TBCA: variants seen among roughly 807,000 people sequenced by gnomAD.
TBCA encodes tubulin-specific chaperone A.
TBCA carries 6 observed loss-of-function variants against 15.8 expected under a neutral mutation model. That is an observed-to-expected ratio of 0.38 (90% CI 0.21 to 0.75). The LOEUF (loss-of-function observed/expected upper bound fraction) is 0.75, where lower values mean the gene tolerates loss of function less well. TBCA is among the 30% of genes least tolerant of loss of function. TBCA has a pLI of 0.46. For synonymous variants in TBCA, 32 were observed against 42.3 expected (o/e 0.76, Z 0.94); for missense variants, 90 against 131.2 (o/e 0.69, Z 1.53).
intron 1 of TBCA, among the ~76,000 whole-genome samples, chr5:77,761,060 C>A (rs948623242): frequency 6.6e-6 from 1 of 151,956 alleles, no homozygotes; most frequent in East Asian, 1.9e-4. Context: ...AAGTGAGGAG[C>A]GCCTCTGCCT....
At chr5:77,769,791 T>C (rs2112518968) in intron 1 of TBCA, among the ~76,000 whole-genome samples, 1 of 152,224 alleles carries the variant, frequency 6.6e-6, no homozygotes, top group South Asian at 2.1e-4. Flanking sequence ...TAAAAGACTG[T>C]TAAAGTTAAA....
At chr5:77,699,177 A>G (rs1745948241) in intron 2 of TBCA, among the ~76,000 whole-genome samples, 1 of 152,156 alleles carries the variant, frequency 6.6e-6, no homozygotes, top group Non-Finnish European at 1.5e-5. Context: ...ATTAACTGGG[A>G]CATCAATTTG....
chr5:77,727,765 T>G (rs1367888429), intron 1 of TBCA, among the ~76,000 whole-genome samples: 2 of 152,094 alleles, frequency 1.3e-5, no homozygotes, highest in Non-Finnish European at 2.9e-5. Flanking sequence ...ACCTTAAATG[T>G]GAGAATGTAA....
chr5:77,766,512 A>ATTTTTTTT (rs1180091515), intron 1 of TBCA, among the ~76,000 whole-genome samples: 2 of 58,298 alleles, frequency 3.4e-5, no homozygotes, highest in African/African-American at 7.6e-5. Context: ...TTATTTATTT[A>ATTTTTTTT]TTTTTTTTTT....
intron 1 of TBCA, among the ~76,000 whole-genome samples, chr5:77,756,181 C>T (rs980285545): frequency 6.6e-6 from 1 of 152,138 alleles, no homozygotes; most frequent in Non-Finnish European, 1.5e-5. Flanking sequence ...GGGGAGGACT[C>T]AACAGTGTGT....
intron 1 of TBCA, 159 bp from the exon 2 acceptor site, chr5:77,708,506 T>C: frequency 1.9e-6 from 1 of 515,466 alleles, no homozygotes. Flanking sequence ...GTCATAAATA[T>C]AAGCATGATC....
intron 1 of TBCA, among the ~76,000 whole-genome samples, chr5:77,751,229 T>G (rs1017006346): frequency 7.6e-5 from 11 of 143,886 alleles, no homozygotes; most frequent in Non-Finnish European, 1.7e-4. Flanking sequence ...TGGCGCAATC[T>G]CAGCTCACTG....
At chr5:77,693,875 G>C (rs907324737) in intron 2 of TBCA, among the ~76,000 whole-genome samples, 14 of 146,638 alleles carry the variant, frequency 9.5e-5, no homozygotes, top group Admixed American at 2.1e-4. Context: ...GCAAGTTTTA[G>C]AACTAAATCT....
At chr5:77,730,267 T>G (rs1746735099) in intron 1 of TBCA, among the ~76,000 whole-genome samples, 1 of 152,154 alleles carries the variant, frequency 6.6e-6, no homozygotes, top group African/African-American at 2.4e-5. Context: ...GGTGTCTTTA[T>G]TAGGGAAGAC....
chr5:77,715,499 T>C (rs999947898), intron 1 of TBCA, among the ~76,000 whole-genome samples: 4 of 152,312 alleles, frequency 2.6e-5, no homozygotes, highest in Admixed American at 6.5e-5. Context: ...AAAGAAGTCA[T>C]GTTTTTTCTC....
At chr5:77,771,069 C>G (rs531647658) in intron 1 of TBCA, among the ~76,000 whole-genome samples, 5 of 151,978 alleles carry the variant, frequency 3.3e-5, no homozygotes, top group African/African-American at 1.2e-4. Flanking sequence ...TGCAGTGAGC[C>G]GAGATCACAC....
At chr5:77,692,968 G>A (rs960416986) in intron 3 of TBCA, 2 of 1,327,680 alleles carry the variant, frequency 1.5e-6, no homozygotes, top group Non-Finnish European at 1.9e-6. Context: ...CTTTATGTAT[G>A]AAAACCAAAT....
intron 1 of TBCA, among the ~76,000 whole-genome samples, chr5:77,739,455 TCAA>T (rs1746984319): frequency 6.6e-6 from 1 of 152,104 alleles, no homozygotes; most frequent in East Asian, 1.9e-4. Flanking sequence ...AGGCGCTGTC[TCAA>T]CAACAACAAA....
At chr5:77,716,813 A>C (rs2662382) in intron 1 of TBCA, among the ~76,000 whole-genome samples, 58,030 of 152,042 alleles carry the variant, frequency 0.38, 11,109 homozygotes, top group South Asian at 0.41. Context: ...TTCTTACTTG[A>C]CAACAGAATC....
At chr5:77,707,255 G>A (rs1245512577) in intron 2 of TBCA, among the ~76,000 whole-genome samples, 1 of 152,176 alleles carries the variant, frequency 6.6e-6, no homozygotes, top group East Asian at 1.9e-4. Flanking sequence ...GTAAGAATAT[G>A]AGAAAGTTCC....
chr5:77,732,537 T>G (rs1746797196), intron 1 of TBCA, among the ~76,000 whole-genome samples: 2 of 111,814 alleles, frequency 1.8e-5, no homozygotes, highest in Admixed American at 1.2e-4. Flanking sequence ...GGCGACAGAG[T>G]GAGACTCTGT....
chr5:77,693,194 T>C, intron 3 of TBCA, 72 bp downstream of exon 3: 1 of 1,575,298 alleles, frequency 6.3e-7, no homozygotes, highest in Non-Finnish European at 8.6e-7. Flanking sequence ...GTGTTAAATA[T>C]TTAAACTTTT....
intron 1 of TBCA, among the ~76,000 whole-genome samples, chr5:77,761,100 T>G (rs1747620556): frequency 6.6e-6 from 1 of 151,860 alleles, no homozygotes; most frequent in Non-Finnish European, 1.5e-5. Context: ...AAGTGTGAAG[T>G]GACAGCCTTT....
chr5:77,768,179 T>C (rs1747829053), intron 1 of TBCA, among the ~76,000 whole-genome samples: 1 of 152,234 alleles, frequency 6.6e-6, no homozygotes, highest in African/African-American at 2.4e-5. Context: ...GGTATTTTTT[T>C]ATAGCAGCAC....
Sources: gnomAD v4.1 joint callset for allele counts (sites outside exome capture counted in the v4.1 genomes callset) on GRCh38, gnomAD v4.1.1 for gene constraint, MANE v1.5 for transcripts, NCBI Gene and HGNC (gene_info 2026-07-23, HGNC 2026-07-21) for gene names.